Variants in HEG1 observed in about 807,000 individuals in gnomAD.
The protein encoded by HEG1 is heart development protein with EGF like domains 1, also known as protein HEG homolog 1.
Under a neutral mutation model 125.6 loss-of-function variants are expected in HEG1, and 56 were observed. The observed-to-expected ratio is 0.45, with a 90% CI of 0.36 to 0.56. The LOEUF (loss-of-function observed/expected upper bound fraction) is 0.56, where lower values mean the gene tolerates loss of function less well. Ranked by LOEUF, HEG1 falls within the 20% of genes least tolerant of loss-of-function variation. The pLI, the probability that HEG1 is intolerant of heterozygous loss-of-function variation, is 0.00. For synonymous variants in HEG1, 644 were observed against 668.5 expected (o/e 0.96, Z 0.57); for missense variants, 1,523 against 1,670.0 (o/e 0.91, Z 1.53).
chr3:125,043,968 T>G (rs1307375086), intron 1 of HEG1, among the ~76,000 whole-genome samples: 1 of 152,164 alleles, frequency 6.6e-6, no homozygotes. Context: ...GGCCCCGGTG[T>G]CCACACAGCT....
intron 8 of HEG1, among the ~76,000 whole-genome samples, chr3:125,005,684 C>T (rs1288522307): frequency 1.3e-5 from 2 of 152,118 alleles, no homozygotes; most frequent in Admixed American, 6.5e-5. Flanking sequence ...GCCTCCCGCA[C>T]AATAGATGCC....
chr3:125,033,925 G>A (rs1210106039), intron 1 of HEG1, among the ~76,000 whole-genome samples: 1 of 152,232 alleles, frequency 6.6e-6, no homozygotes, highest in Admixed American at 6.5e-5. Context: ...TGCCTGATAT[G>A]ATCTGAGGTG....
At chr3:125,026,835 A>C (rs1323021802) in intron 3 of HEG1, among the ~76,000 whole-genome samples, 3 of 152,162 alleles carry the variant, frequency 2.0e-5, no homozygotes. Context: ...CCCCGTCTCT[A>C]CTAAAAATAC....
chr3:125,016,969 T>C (rs1937259258), intron 5 of HEG1, among the ~76,000 whole-genome samples: 1 of 152,042 alleles, frequency 6.6e-6, no homozygotes, highest in African/African-American at 2.4e-5. Flanking sequence ...AATGATTCCA[T>C]CAAGAAAGAG....
chr3:124,971,308 G>C (rs906932881), intron 16 of HEG1, among the ~76,000 whole-genome samples: 1 of 152,198 alleles, frequency 6.6e-6, no homozygotes, highest in African/African-American at 2.4e-5. Context: ...CCACTGTGTG[G>C]AACAGCTTGT....
intron 16 of HEG1, among the ~76,000 whole-genome samples, chr3:124,973,489 G>A (rs1936481912): frequency 6.6e-6 from 1 of 152,040 alleles, no homozygotes; most frequent in African/African-American, 2.4e-5. Flanking sequence ...GTAACAAGAG[G>A]GTTACTGCTA....
At chr3:125,051,158 T>G (rs1225996199) in intron 1 of HEG1, among the ~76,000 whole-genome samples, 1 of 152,218 alleles carries the variant, frequency 6.6e-6, no homozygotes, top group Non-Finnish European at 1.5e-5. Context: ...ATTTACAATC[T>G]CTATATAAAA....
At chr3:124,971,418 C>T (rs1011829435) in intron 16 of HEG1, among the ~76,000 whole-genome samples, 1 of 150,852 alleles carries the variant, frequency 6.6e-6, no homozygotes, top group Non-Finnish European at 1.5e-5. Context: ...TTCCTCCTTC[C>T]TTTCCTTTCT....
chr3:124,992,928 T>C (rs1579404448), intron 12 of HEG1, among the ~76,000 whole-genome samples: 1 of 152,234 alleles, frequency 6.6e-6, no homozygotes, highest in Admixed American at 6.5e-5. Flanking sequence ...CTTTTTGTTA[T>C]AAGCGGCAGC....
intron 15 of HEG1, 84 bp from the exon 16 acceptor site, chr3:124,973,989 A>C: frequency 1.1e-6 from 1 of 880,282 alleles, no homozygotes; most frequent in Non-Finnish European, 1.7e-6. Flanking sequence ...TTATAATGTA[A>C]ATTCAACTGA....
At chr3:125,031,291 G>A (rs901939171) in intron 1 of HEG1, among the ~76,000 whole-genome samples, 6 of 152,096 alleles carry the variant, frequency 3.9e-5, no homozygotes, top group Non-Finnish European at 7.3e-5. Flanking sequence ...CTGGGTGCCA[G>A]GCCCCTAAAA....
intron 4 of HEG1, 34 bp downstream of exon 4, chr3:125,020,757 GT>G: frequency 6.5e-7 from 1 of 1,544,536 alleles, no homozygotes; most frequent in Non-Finnish European, 8.9e-7. Context: ...ATTTACAAAT[GT>G]CCCTAATAGA....
In HEG1 at chr3:125,013,166, A is replaced by G; in HGVS notation, c.2413T>C (p.Ser805Pro). The G allele has an allele frequency of 1.2e-6, 2 of 1,613,740 alleles. No homozygotes were observed. Among genetic ancestry groups the G allele is most frequent in the Non-Finnish European group, 1.7e-6 (2 of 1,179,826 alleles). Residue 805 changes from serine (S) to proline (P), a missense_variant, in exon 6 of 17, where the codon TCC (serine) becomes CCC (proline). By Grantham distance (74) the Ser-to-Pro change is moderately conservative. Coordinates refer to ENST00000311127, the MANE Select transcript of HEG1 (RefSeq NM_020733.2). ...GAGTTTGTTGTTACAGCTTTGGTGGACTCTGTGGGCAGAGACACCAGGCTT... is the reference window on the plus strand; with the variant it reads ...GAGTTTGTTGTTACAGCTTTGGTGGGCTCTGTGGGCAGAGACACCAGGCTT... ...SPSLVSLPTE[S>P]TKAVTTNSPL...
At chr3:125,016,724 G>A (rs1381976277) in intron 5 of HEG1, among the ~76,000 whole-genome samples, 2 of 152,146 alleles carry the variant, frequency 1.3e-5, no homozygotes, top group Non-Finnish European at 2.9e-5. Flanking sequence ...ATTCTTATAT[G>A]GGGGAAATGA....
intron 1 of HEG1, among the ~76,000 whole-genome samples, chr3:125,035,834 T>A (rs992022272): frequency 7.2e-5 from 11 of 152,104 alleles, no homozygotes; most frequent in African/African-American, 2.4e-4. Flanking sequence ...ATAACAATAG[T>A]TCGTAAGTCT....
intron 12 of HEG1, among the ~76,000 whole-genome samples, chr3:124,992,641 G>A (rs575914976): frequency 1.3e-5 from 2 of 152,328 alleles, no homozygotes; most frequent in East Asian, 1.9e-4. Context: ...TGGGTCCAGC[G>A]TCCTTGTGTG....
intron 12 of HEG1, 123 bp downstream of exon 12, chr3:124,997,566 C>G (rs1936940712): frequency 1.2e-6 from 1 of 866,950 alleles, no homozygotes; most frequent in East Asian, 3.0e-5. Flanking sequence ...TAACAAGAAC[C>G]AGTTACCCTC....
At position 125,019,546 on chromosome 3, in the gene HEG1, G is replaced by A. The variant is rs368561158; in HGVS notation, c.1304C>T (p.Pro435Leu). Residue 435 changes from proline to leucine, a missense_variant, in exon 5 of 17, where the codon CCC becomes CTC. Physicochemically the swap from Pro to Leu is moderately conservative, Grantham distance 98. Transcript: ENST00000311127. ...ASSSEVQNGSPMSQTETVSRS... is the reference protein window; with the variant it reads ...ASSSEVQNGSLMSQTETVSRS... ...AGACACAGTCTCAGTCTGAGACATG[G>A]GACTTCCATTTTGCACCTCAGAGCT... 26 of 1,611,640 alleles carry A rather than the reference G, an allele frequency of 1.6e-5. No individual in the cohort carries two copies. The highest frequency in any genetic ancestry group is 2.1e-5 in the Non-Finnish European group (25 of 1,178,052).
intron 12 of HEG1, 148 bp downstream of exon 12, chr3:124,997,541 C>T: frequency 1.6e-6 from 1 of 641,122 alleles, no homozygotes; most frequent in Non-Finnish European, 2.4e-6. Flanking sequence ...GTATTCAATC[C>T]TGCCACGAGC....
Sources: gnomAD v4.1 joint callset for allele counts (sites outside exome capture counted in the v4.1 genomes callset) on GRCh38, gnomAD v4.1.1 for gene constraint, MANE v1.5 for transcripts, NCBI Gene and HGNC (gene_info 2026-07-23, HGNC 2026-07-21) for gene names.